The following VWA3B variants were observed in gnomAD, a reference collection of about 807,000 sequenced individuals.
VWA3B encodes the protein von Willebrand factor A domain-containing protein 3B.
VWA3B carries 138 observed loss-of-function variants against 158.3 expected under a neutral mutation model. The ratio of observed to expected loss-of-function variants is 0.87; its 90% confidence interval spans 0.76 to 1.00. The LOEUF (loss-of-function observed/expected upper bound fraction) is 1.00. VWA3B is among the 50% of genes least tolerant of loss of function. The pLI, the probability that VWA3B is intolerant of heterozygous loss-of-function variation, is 0.00. For missense variants in VWA3B, 1,555 were observed against 1,565.1 expected (o/e 0.99, Z 0.11); for synonymous variants, 596 against 587.3 (o/e 1.01, Z -0.21).
At chr2:98,325,726 G>A in the VWA3B span, among the ~76,000 whole-genome samples, 1 of 152,182 alleles carries the variant, frequency 6.6e-6, no homozygotes, top group African/African-American at 2.4e-5. Flanking sequence ...ACGTGGAGGG[G>A]TGAATGGACA....
intron 10 of VWA3B, among the ~76,000 whole-genome samples, 180 bp downstream of exon 10, chr2:98,188,309 A>T (rs1681295834): frequency 6.6e-6 from 1 of 152,144 alleles, no homozygotes; most frequent in African/African-American, 2.4e-5. Context: ...AGGGTAACTC[A>T]CATATCCATC....
intron 9 of VWA3B, among the ~76,000 whole-genome samples, chr2:98,184,778 CT>C (rs1680880091): frequency 6.6e-6 from 1 of 152,216 alleles, no homozygotes. Context: ...CCCTTTGGAC[CT>C]GTGGACCTGG....
chr2:98,201,272 A>G (rs988070977), intron 12 of VWA3B, among the ~76,000 whole-genome samples: 3 of 152,146 alleles, frequency 2.0e-5, no homozygotes, highest in Non-Finnish European at 2.9e-5. Context: ...TTTTGTTACT[A>G]TTGTAAATAG....
chr2:98,113,379 C>A (rs1440543288), intron 2 of VWA3B, among the ~76,000 whole-genome samples: 6 of 151,878 alleles, frequency 4.0e-5, no homozygotes, highest in Non-Finnish European at 8.8e-5. Flanking sequence ...AAAAGTTGGC[C>A]CTCTGTATGA....
intron 7 of VWA3B, among the ~76,000 whole-genome samples, chr2:98,134,469 T>C (rs1185475618): frequency 6.6e-6 from 1 of 152,076 alleles, no homozygotes; most frequent in Non-Finnish European, 1.5e-5. Flanking sequence ...GAGAATGAGG[T>C]CACCAAATCA....
At chr2:98,132,231 C>T (rs1480730244) in intron 6 of VWA3B, among the ~76,000 whole-genome samples, 1 of 152,248 alleles carries the variant, frequency 6.6e-6, no homozygotes, top group East Asian at 1.9e-4. Flanking sequence ...CCTGTCCATG[C>T]TCTGGGCCTT....
chr2:98,259,114 T>A (rs1362395451), intron 21 of VWA3B, among the ~76,000 whole-genome samples: 1 of 151,812 alleles, frequency 6.6e-6, no homozygotes, highest in East Asian at 1.9e-4. Flanking sequence ...CTGGCATAAA[T>A]CCTACTTAGT....
intron 26 of VWA3B, among the ~76,000 whole-genome samples, chr2:98,308,293 G>A (rs755108073): frequency 2.6e-5 from 4 of 152,140 alleles, no homozygotes; most frequent in Admixed American, 6.5e-5. Context: ...GCTGAGAGGC[G>A]TGTCTTTCAA....
the VWA3B span, among the ~76,000 whole-genome samples, chr2:98,328,665 A>C: frequency 1.3e-5 from 2 of 152,216 alleles, no homozygotes; most frequent in Non-Finnish European, 2.9e-5. Context: ...GAAAACTAAA[A>C]CATTCTTCAG....
chr2:98,196,654 C>T (rs868478943), intron 12 of VWA3B, among the ~76,000 whole-genome samples: 1 of 152,050 alleles, frequency 6.6e-6, no homozygotes, highest in South Asian at 2.1e-4. Flanking sequence ...ACCCCCAGAC[C>T]ATGTTTCCCC....
intron 7 of VWA3B, among the ~76,000 whole-genome samples, chr2:98,150,781 G>A (rs4851830): frequency 0.29 from 44,299 of 152,028 alleles, 8,458 homozygotes; most frequent in East Asian, 0.55. Flanking sequence ...ATTCATCTCC[G>A]CACCATCCTC....
chr2:98,237,384 C>T (rs202066341), intron 19 of VWA3B, among the ~76,000 whole-genome samples: 1 of 152,126 alleles, frequency 6.6e-6, no homozygotes, highest in East Asian at 1.9e-4. Context: ...CTTTTGCTTA[C>T]CTTCTCTTCC....
At chr2:98,117,499 AGGCTGCTGGCAAAAGCCTTCCATTAGG>A (rs1311018963) in intron 3 of VWA3B, among the ~76,000 whole-genome samples, 1 of 152,138 alleles carries the variant, frequency 6.6e-6, no homozygotes, top group African/African-American at 2.4e-5. Context: ...ATGTGCTACC[AGGCTGCTGGCAAAAGCCTTCCATTAGG>A]GGCTGCTGGC....
intron 7 of VWA3B, among the ~76,000 whole-genome samples, chr2:98,157,267 C>A (rs1678164623): frequency 1.3e-5 from 2 of 152,096 alleles, no homozygotes; most frequent in South Asian, 4.2e-4. Flanking sequence ...AGATGGTTAT[C>A]CAGATGGTGA....
At chr2:98,290,375 C>A in intron 22 of VWA3B, 136 bp from the exon 23 acceptor site, 1 of 682,922 alleles carries the variant, frequency 1.5e-6, no homozygotes, top group Non-Finnish European at 2.4e-6. Context: ...ACCTCCAACA[C>A]TGGAACTTGT....
chr2:98,221,348 G>A lies in VWA3B; in HGVS notation c.2019+3320G>A, dbSNP rs944122604. ...CGAGCCAAATGACTGGGAAGAGCAC[G>A]GCTTAATAACAGAAAACCTTTTTGG... On this transcript the variant is annotated intron_variant, in intron 14 of 27. Coordinates refer to ENST00000477737, the MANE Select transcript of VWA3B (RefSeq NM_144992.5). Among the ~76,000 whole-genome samples, 4 of 152,126 alleles carry A rather than the reference G, an allele frequency of 2.6e-5. No homozygotes were observed. In the South Asian group the frequency reaches 6.2e-4, roughly 24 times the overall value.
the VWA3B span, among the ~76,000 whole-genome samples, chr2:98,328,359 A>G: frequency 2.0e-5 from 3 of 152,208 alleles, no homozygotes; most frequent in African/African-American, 7.2e-5. Context: ...GGCCACTGCA[A>G]TAAGGCAAGA....
chr2:98,274,998 G>A (rs1459947393), intron 22 of VWA3B, among the ~76,000 whole-genome samples: 1 of 152,204 alleles, frequency 6.6e-6, no homozygotes, highest in Admixed American at 6.5e-5. Context: ...GGTGCACCCT[G>A]GCCAGCCTAT....
intron 3 of VWA3B, among the ~76,000 whole-genome samples, chr2:98,117,748 CTTT>C (rs35080840): frequency 2.7e-4 from 32 of 119,444 alleles, no homozygotes; most frequent in African/African-American, 4.9e-4. Context: ...CTTAAATTAC[CTTT>C]TTTTTTTTTT....
Sources: gnomAD v4.1 joint callset for allele counts (sites outside exome capture counted in the v4.1 genomes callset) on GRCh38, gnomAD v4.1.1 for gene constraint, MANE v1.5 for transcripts, NCBI Gene and HGNC (gene_info 2026-07-23, HGNC 2026-07-21) for gene names.